Variants in MACROD2 observed in about 807,000 individuals in gnomAD.
The protein encoded by MACROD2 is ADP-ribose glycohydrolase MACROD2.
A neutral mutation model predicts 70.4 loss-of-function variants in MACROD2; 36 were observed. The observed-to-expected ratio is 0.51, with a 90% confidence interval of 0.39 to 0.68. MACROD2 has a LOEUF of 0.68. MACROD2 is among the 30% of genes least tolerant of loss of function. The pLI is 0.00. For synonymous variants in MACROD2, 172 were observed against 178.8 expected, an observed-to-expected ratio of 0.96 and a Z score of 0.30; for missense variants, 496 against 538.4, an observed-to-expected ratio of 0.92 and a Z score of 0.78.
At chr20:14,296,013 T>C (rs2082424557) in intron 3 of MACROD2, among the ~76,000 whole-genome samples, 1 of 151,864 alleles carries the variant, frequency 6.6e-6, no homozygotes. Flanking sequence ...TCTACTGTGA[T>C]TCAATCTGTT....
chr20:14,558,251 A>G (rs1031139168), intron 4 of MACROD2, among the ~76,000 whole-genome samples: 11 of 151,808 alleles, frequency 7.2e-5, no homozygotes, highest in Non-Finnish European at 1.2e-4. Flanking sequence ...GGATGAAGAA[A>G]ATGTTCAGAA....
At chr20:14,093,576 A>C (rs2054181645) in intron 3 of MACROD2, among the ~76,000 whole-genome samples, 1 of 152,182 alleles carries the variant, frequency 6.6e-6, no homozygotes, top group African/African-American at 2.4e-5. Flanking sequence ...GGATGCTTGA[A>C]AATATTTTGG....
At chr20:15,009,721 T>C (rs2075066826) in intron 5 of MACROD2, among the ~76,000 whole-genome samples, 1 of 151,806 alleles carries the variant, frequency 6.6e-6, no homozygotes, top group Non-Finnish European at 1.5e-5. Context: ...CTAATTTTTT[T>C]CCATAATTTT....
intron 5 of MACROD2, among the ~76,000 whole-genome samples, chr20:14,854,530 C>T (rs1264781552): frequency 6.6e-6 from 1 of 151,952 alleles, no homozygotes; most frequent in African/African-American, 2.4e-5. Flanking sequence ...TTAATTATGC[C>T]ACAACTTGGG....
At chr20:15,842,239 T>G (rs1438240265) in intron 8 of MACROD2, among the ~76,000 whole-genome samples, 2 of 152,090 alleles carry the variant, frequency 1.3e-5, no homozygotes, top group Admixed American at 1.3e-4. Context: ...GAGCTGGACC[T>G]ACAGGTGCAT....
At chr20:14,636,942 TG>T (rs1433988003) in intron 4 of MACROD2, among the ~76,000 whole-genome samples, 2 of 152,122 alleles carry the variant, frequency 1.3e-5, no homozygotes, top group East Asian at 3.9e-4. Flanking sequence ...AAAACACATA[TG>T]AAGACTGGAA....
At chr20:14,697,444 T>A (rs967124882) in intron 5 of MACROD2, among the ~76,000 whole-genome samples, 2 of 152,190 alleles carry the variant, frequency 1.3e-5, no homozygotes, top group African/African-American at 2.4e-5. Flanking sequence ...CAAGAGTTAA[T>A]ACAGTACTTT....
intron 4 of MACROD2, among the ~76,000 whole-genome samples, chr20:14,557,855 C>G (rs1979145419): frequency 6.6e-6 from 1 of 151,724 alleles, no homozygotes; most frequent in Non-Finnish European, 1.5e-5. Flanking sequence ...ACTATATTAG[C>G]TGGCAATTCT....
chr20:15,530,517 G>C (rs1176277853), intron 8 of MACROD2, among the ~76,000 whole-genome samples: 1 of 151,926 alleles, frequency 6.6e-6, no homozygotes, highest in Non-Finnish European at 1.5e-5. Flanking sequence ...CGGATCACGA[G>C]GTTAGGAAAT....
chr20:14,814,458 CT>C (rs1815768496), intron 5 of MACROD2, among the ~76,000 whole-genome samples: 1 of 151,900 alleles, frequency 6.6e-6, no homozygotes, highest in Admixed American at 6.6e-5. Flanking sequence ...GATATTTTAT[CT>C]TTGTGATAAG....
intron 3 of MACROD2, among the ~76,000 whole-genome samples, chr20:14,159,978 A>G (rs2055160660): frequency 6.6e-6 from 1 of 152,090 alleles, no homozygotes; most frequent in Non-Finnish European, 1.5e-5. Context: ...TGTTGAGATT[A>G]TCATGTGGTT....
chr20:15,784,691 G>A (rs945366636), intron 8 of MACROD2, among the ~76,000 whole-genome samples: 6 of 152,126 alleles, frequency 3.9e-5, no homozygotes, highest in African/African-American at 1.4e-4. Flanking sequence ...AGAAATAGAT[G>A]AGTGGATAGA....
rs1277474942 is a variant in MACROD2 at position 15,462,211 on chromosome 20, T to C, written c.571+30776T>C. Among the ~76,000 whole-genome samples the C allele has an allele frequency of 2.0e-5, 3 of 152,188 alleles. 1 individual carries two copies. The South Asian group carries it at 6.2e-4, about 32-fold the overall frequency. On this transcript the variant is annotated intron_variant, in intron 7 of 17. Transcript: ENST00000684519. ...CATTTACATGAAGTGAAAAATTTAC[T>C]CTAGGAAAATGATTGGAGAGAATGC... is the stretch of plus-strand genomic sequence containing the variant.
In MACROD2 at chr20:15,358,821, T is replaced by A. The variant is rs1039963598; in HGVS notation, c.541-72584T>A. Among the ~76,000 whole-genome samples the A allele has an allele frequency of 4.6e-5, 7 of 151,970 alleles. No homozygotes were observed. The South Asian group carries it at 6.2e-4, about 14-fold the overall frequency. On this transcript the variant is annotated intron_variant, in intron 6 of 17. Transcript: ENST00000684519. ...GAAGAGCTCTTGTTCCTTTTTTTTTTTACAAGGGCATTAATTCCAACATGA... is the reference window on the plus strand; with the variant it reads ...GAAGAGCTCTTGTTCCTTTTTTTTTATACAAGGGCATTAATTCCAACATGA...
At chr20:14,176,882 T>A (rs1323471726) in intron 3 of MACROD2, among the ~76,000 whole-genome samples, 1 of 152,226 alleles carries the variant, frequency 6.6e-6, no homozygotes, top group Non-Finnish European at 1.5e-5. Flanking sequence ...TATATTGCTG[T>A]GTGAGAAACC....
intron 4 of MACROD2, among the ~76,000 whole-genome samples, chr20:14,609,902 C>T (rs1383346875): frequency 6.6e-6 from 1 of 152,060 alleles, no homozygotes; most frequent in Non-Finnish European, 1.5e-5. Flanking sequence ...AATTAACCAG[C>T]AAAAATCTTC....
At chr20:15,699,859 C>G (rs1325470967) in intron 8 of MACROD2, among the ~76,000 whole-genome samples, 6 of 152,166 alleles carry the variant, frequency 3.9e-5, no homozygotes, top group Admixed American at 2.6e-4. Flanking sequence ...TCTGGCCATC[C>G]TTCCAATGGA....
intron 5 of MACROD2, among the ~76,000 whole-genome samples, chr20:14,835,875 C>T (rs754874161): frequency 1.3e-5 from 2 of 152,016 alleles, no homozygotes; most frequent in Non-Finnish European, 2.9e-5. Context: ...ATTTTCTTAG[C>T]TACACTCTTC....
intron 4 of MACROD2, among the ~76,000 whole-genome samples, chr20:14,567,552 ATTTATGG>A (rs1298746528): frequency 1.4e-4 from 21 of 151,998 alleles, no homozygotes; most frequent in African/African-American, 4.8e-4. Flanking sequence ...TATACTTGTT[ATTTATGG>A]TGATGACCAT....
Sources: allele counts gnomAD v4.1 joint callset (sites outside exome capture counted in the v4.1 genomes callset), GRCh38; gene constraint gnomAD v4.1.1; transcripts MANE v1.5; gene names NCBI Gene and HGNC (gene_info 2026-07-23, HGNC 2026-07-21).